The following KDM3B variants were observed in gnomAD, a reference collection of about 807,000 sequenced individuals.
The protein encoded by KDM3B is lysine-specific demethylase 3B.
Under a neutral mutation model 170.0 loss-of-function variants are expected in KDM3B, and 10 were observed. That is an observed-to-expected ratio of 0.06 (90% CI 0.04 to 0.10). The LOEUF (loss-of-function observed/expected upper bound fraction) is 0.10. Among genes scored for constraint, KDM3B ranks in the 10% least tolerant of loss-of-function variants. KDM3B has a pLI of 1.00. For synonymous variants in KDM3B, 831 were observed against 834.8 expected, an observed-to-expected ratio of 1.00 and a Z score of 0.08; for missense variants, 1,394 against 2,195.2, an observed-to-expected ratio of 0.64 and a Z score of 7.29.
intron 2 of KDM3B, among the ~76,000 whole-genome samples, chr5:138,373,658 AT>A (rs1561761220): frequency 6.6e-6 from 1 of 151,532 alleles, no homozygotes; most frequent in Non-Finnish European, 1.5e-5. Flanking sequence ...TAATTTTTGT[AT>A]TTTTTTGTAG....
intron 3 of KDM3B, among the ~76,000 whole-genome samples, chr5:138,377,081 G>T (rs1202509022): frequency 1.3e-5 from 2 of 152,092 alleles, no homozygotes; most frequent in African/African-American, 4.8e-5. Context: ...CCGCTCGTTA[G>T]GTTAATGATG....
intron 1 of KDM3B, among the ~76,000 whole-genome samples, chr5:138,367,316 G>C (rs931895062): frequency 6.6e-6 from 1 of 152,040 alleles, no homozygotes; most frequent in Non-Finnish European, 1.5e-5. Flanking sequence ...TTCCATTTTT[G>C]TTAAGAGTGT....
At chr5:138,385,082 C>T (rs182419975) in intron 6 of KDM3B, among the ~76,000 whole-genome samples, 5 of 151,996 alleles carry the variant, frequency 3.3e-5, no homozygotes, top group Admixed American at 6.5e-5. Flanking sequence ...AGTGCAGTGG[C>T]GCAATCTCGG....
chr5:138,378,772 A>G (rs1762057195), intron 4 of KDM3B, among the ~76,000 whole-genome samples: 1 of 149,378 alleles, frequency 6.7e-6, no homozygotes, highest in Non-Finnish European at 1.5e-5. Flanking sequence ...AGGTAGGGAG[A>G]TACATATATA....
intron 11 of KDM3B, among the ~76,000 whole-genome samples, 177 bp from the exon 12 acceptor site, chr5:138,414,955 T>C (rs1763065294): frequency 6.8e-6 from 1 of 146,354 alleles, no homozygotes; most frequent in African/African-American, 2.4e-5. Flanking sequence ...AAACCTTGTC[T>C]CAAAAATAAA....
chr5:138,428,052 T>G lies in KDM3B; in HGVS notation c.4719T>G (p.Val1573=). 6.2e-7 allele frequency: 1 copy of G among 1,613,916 alleles called. No homozygotes were observed. The highest frequency in any genetic ancestry group is 1.7e-5 in the Admixed American group (1 of 60,022). The change falls in exon 20 of 24, where the codon GTT becomes GTG. Residue 1573 remains valine, a synonymous_variant. Transcript: ENST00000314358. Reference sequence around the variant, plus strand: ...ATGCTGTTAATGTGATGGTGTATGTTGGGATTCCCATCGGGGAGGGTGCTC... The same window carrying G: ...ATGCTGTTAATGTGATGGTGTATGTGGGGATTCCCATCGGGGAGGGTGCTC... ...VSDAVNVMVY[V]GIPIGEGAHD...
chr5:138,394,019 G>A (rs547261689), intron 9 of KDM3B, among the ~76,000 whole-genome samples: 5 of 152,016 alleles, frequency 3.3e-5, no homozygotes, highest in Non-Finnish European at 7.4e-5. Flanking sequence ...CCTTGTTCTG[G>A]CCATTGAATA....
chr5:138,382,743 A>G (rs918117970), intron 6 of KDM3B, among the ~76,000 whole-genome samples: 4 of 152,140 alleles, frequency 2.6e-5, no homozygotes, highest in African/African-American at 9.6e-5. Flanking sequence ...TAAGCCTCCC[A>G]AAGTGCTGGG....
chr5:138,379,002 T>A (rs908169867), intron 4 of KDM3B, among the ~76,000 whole-genome samples: 11 of 152,006 alleles, frequency 7.2e-5, no homozygotes, highest in Admixed American at 4.6e-4. Flanking sequence ...TAAAGTAATA[T>A]ATTTGAAACT....
At chr5:138,425,323 T>A in intron 16 of KDM3B, 88 bp from the exon 17 acceptor site, 1 of 1,241,558 alleles carries the variant, frequency 8.1e-7, no homozygotes, top group East Asian at 2.3e-5. Context: ...GAGGAGGCCC[T>A]CCTCAGGAAA....
At chr5:138,370,785 GC>G (rs541632122) in intron 1 of KDM3B, among the ~76,000 whole-genome samples, 1 of 151,566 alleles carries the variant, frequency 6.6e-6, no homozygotes, top group Non-Finnish European at 1.5e-5. Context: ...ACTTAGTGTT[GC>G]CTTAAGAAGT....
intron 9 of KDM3B, among the ~76,000 whole-genome samples, chr5:138,395,091 G>A (rs1762515418): frequency 6.6e-6 from 1 of 152,182 alleles, no homozygotes; most frequent in South Asian, 2.1e-4. Context: ...GGTTTGGGGA[G>A]GAAAAGGGGG....
chr5:138,375,630 G>C (rs944078465), intron 3 of KDM3B, among the ~76,000 whole-genome samples: 1 of 151,748 alleles, frequency 6.6e-6, no homozygotes, highest in Non-Finnish European at 1.5e-5. Flanking sequence ...CGCCCGCCTC[G>C]GCCTCCCAAA....
intron 6 of KDM3B, among the ~76,000 whole-genome samples, chr5:138,383,446 TG>T (rs1235026996): frequency 2.0e-5 from 3 of 152,220 alleles, no homozygotes; most frequent in African/African-American, 7.2e-5. Context: ...TGGTGATCTT[TG>T]GTTTTTAGCA....
At chr5:138,371,579 G>A (rs966003515) in intron 1 of KDM3B, among the ~76,000 whole-genome samples, 31 of 152,128 alleles carry the variant, frequency 2.0e-4, no homozygotes, top group Non-Finnish European at 1.2e-4. Flanking sequence ...TTCAAGAAGT[G>A]GAGTATCTGT....
chr5:138,410,783 C>T (rs1762945958), intron 11 of KDM3B, among the ~76,000 whole-genome samples: 2 of 152,226 alleles, frequency 1.3e-5, no homozygotes, highest in Admixed American at 1.3e-4. Context: ...GGGGGCCCTT[C>T]CCTGCCTGGC....
chr5:138,428,306 C>T (rs1394218939), intron 20 of KDM3B, among the ~76,000 whole-genome samples: 4 of 151,676 alleles, frequency 2.6e-5, no homozygotes, highest in South Asian at 2.1e-4. Flanking sequence ...CTGCCTCCCA[C>T]GTTCAAGCGA....
At chr5:138,430,131 T>A in intron 21 of KDM3B, 118 bp from the exon 22 acceptor site, 2 of 1,361,462 alleles carry the variant, frequency 1.5e-6, no homozygotes, top group Non-Finnish European at 2.0e-6. Context: ...CTAGAGGATG[T>A]TGACTAGAAT....
rs778521785 is a variant in KDM3B, at chr5:138,419,068, C to T, written c.3551C>T (p.Thr1184Ile). ...GACCATGTTCCCAAAGCCGACAGCA[C>T]TGACATCAGATCTGAAGAGCCTCTG... The part of the protein sequence containing the change: ...EPDHVPKADS[T>I]DIRSEEPLKT... Residue 1184 changes from threonine to isoleucine, a missense_variant, in exon 14 of 24, where the codon ACT (threonine) becomes ATT (isoleucine). Coordinates refer to ENST00000314358, the MANE Select transcript of KDM3B (RefSeq NM_016604.4). 1 of 1,614,228 alleles carries T rather than the reference C, an allele frequency of 6.2e-7. No individual in the cohort carries two copies. The highest frequency in any genetic ancestry group is 1.1e-5 in the South Asian group (1 of 91,086).
Sources: gnomAD v4.1 joint callset for allele counts (sites outside exome capture counted in the v4.1 genomes callset) on GRCh38, gnomAD v4.1.1 for gene constraint, MANE v1.5 for transcripts, NCBI Gene and HGNC (gene_info 2026-07-23, HGNC 2026-07-21) for gene names.